AMZ1: variants seen among roughly 807,000 people sequenced by gnomAD.
AMZ1 encodes archaelysin family metallopeptidase 1.
AMZ1 carries 39 observed loss-of-function variants against 29.9 expected under a neutral mutation model. The observed-to-expected ratio is 1.30, with a 90% CI of 1.01 to 1.70. AMZ1 has a LOEUF of 1.70. Among genes scored for constraint, AMZ1 ranks in the 40% most tolerant of loss-of-function variants. The pLI is 0.00. For missense variants in AMZ1, 1,041 were observed against 680.6 expected (o/e 1.53, Z -5.89); for synonymous variants, 458 against 304.0 (o/e 1.51, Z -5.27).
chr7:2,742,308 G>A (rs751058414), intron 4 of AMZ1, among the ~76,000 whole-genome samples: 21 of 152,036 alleles, frequency 1.4e-4, no homozygotes, highest in Non-Finnish European at 2.6e-4. Context: ...GAGCCACCAC[G>A]CCCAGCCTAC....
At chr7:2,750,700 A>C (rs1790990492) in intron 4 of AMZ1, among the ~76,000 whole-genome samples, 2 of 152,150 alleles carry the variant, frequency 1.3e-5, no homozygotes, top group Admixed American at 6.5e-5. Flanking sequence ...GACACGGGGG[A>C]CTATTGGACA....
chr7:2,748,136 C>T (rs1393025830), intron 4 of AMZ1, among the ~76,000 whole-genome samples: 3 of 150,974 alleles, frequency 2.0e-5, no homozygotes, highest in Admixed American at 1.3e-4. Flanking sequence ...CAATGACTTT[C>T]TTCACAGAAT....
In AMZ1 at chr7:2,717,031, G is replaced by T. The variant is rs1300588135; in HGVS notation, c.*4153G>T. Among the ~76,000 whole-genome samples the T allele has an allele frequency of 1.3e-5, 2 of 152,210 alleles. No homozygotes were observed. Among genetic ancestry groups the T allele is most frequent in the African/African-American group, 2.4e-5 (1 of 41,454 alleles). On this transcript the variant is annotated 3_prime_UTR_variant, in exon 7 of 7. Transcript: ENST00000683327. ...GAGAGTAAGAAGGCGCACGGACGCG[G>T]GAGGCCTGCACCCTGATCCCTGAGC... is the stretch of plus-strand genomic sequence containing the variant.
chr7:2,690,157 C>G (rs181250386), intron 1 of AMZ1, among the ~76,000 whole-genome samples: 37 of 152,270 alleles, frequency 2.4e-4, no homozygotes, highest in African/African-American at 7.2e-4. Context: ...TGGAGCCTGT[C>G]ACACCATTCT....
intron 4 of AMZ1, among the ~76,000 whole-genome samples, chr7:2,750,650 T>A (rs959234246): frequency 6.6e-6 from 1 of 152,240 alleles, no homozygotes; most frequent in Non-Finnish European, 1.5e-5. Flanking sequence ...TGGACCACGG[T>A]TGACTGCGGG....
chr7:2,762,889 T>C (rs1791633372), upstream of AMZ1: 1 of 1,433,918 alleles, frequency 7.0e-7, no homozygotes, highest in Admixed American at 2.8e-5. Context: ...GTGGAGCCAT[T>C]GGTGCTGCGG....
upstream of AMZ1, among the ~76,000 whole-genome samples, chr7:2,760,791 C>G (rs1050109336): frequency 6.6e-6 from 1 of 152,234 alleles, no homozygotes; most frequent in Non-Finnish European, 1.5e-5. Flanking sequence ...ACTGCTGGAC[C>G]GTCCCAGCTG....
upstream of AMZ1, among the ~76,000 whole-genome samples, chr7:2,685,482 C>T (rs1368063705): frequency 6.6e-6 from 1 of 151,426 alleles, no homozygotes; most frequent in Non-Finnish European, 1.5e-5. Context: ...CGCTTGAACC[C>T]AGGAAGTGGA....
downstream of AMZ1, among the ~76,000 whole-genome samples, chr7:2,721,447 C>T (rs536712442): frequency 3.3e-5 from 5 of 152,252 alleles, no homozygotes; most frequent in East Asian, 9.6e-4. Flanking sequence ...GGGCTGGGCG[C>T]AGTGGGTCAC....
upstream of AMZ1, among the ~76,000 whole-genome samples, chr7:2,686,857 G>A (rs566269620): frequency 6.6e-6 from 1 of 152,074 alleles, no homozygotes; most frequent in East Asian, 2.0e-4. Context: ...TGGGACTATA[G>A]GCACCAGCCA....
downstream of AMZ1, among the ~76,000 whole-genome samples, chr7:2,724,434 GC>G (rs1487240154): frequency 6.6e-6 from 1 of 152,248 alleles, no homozygotes; most frequent in Non-Finnish European, 1.5e-5. Flanking sequence ...ATTAAAGGGT[GC>G]CAAGGTGACA....
chr7:2,711,403 C>T (rs1213118514), intron 6 of AMZ1, among the ~76,000 whole-genome samples: 1 of 152,204 alleles, frequency 6.6e-6, no homozygotes, highest in African/African-American at 2.4e-5. Context: ...TAAACAGTCT[C>T]ACGATGGCTG....
intron 5 of AMZ1, among the ~76,000 whole-genome samples, 192 bp downstream of exon 5, chr7:2,709,436 T>G (rs1562372605): frequency 2.5e-5 from 2 of 80,896 alleles, no homozygotes; most frequent in Non-Finnish European, 6.0e-5. Context: ...CCCTATCCTG[T>G]GTGGCCTCCC....
At chr7:2,735,627 A>C (rs1790131194) in intron 4 of AMZ1, among the ~76,000 whole-genome samples, 1 of 152,220 alleles carries the variant, frequency 6.6e-6, no homozygotes, top group African/African-American at 2.4e-5. Flanking sequence ...CAACACAGCA[A>C]ACACTCACTG....
intron 4 of AMZ1, among the ~76,000 whole-genome samples, chr7:2,740,328 G>A (rs991287500): frequency 1.2e-4 from 18 of 152,212 alleles, no homozygotes; most frequent in Middle Eastern, 3.4e-3. Flanking sequence ...GTGACTGAAG[G>A]TAGGGACCTC....
At chr7:2,737,376 C>T (rs1232644215) in intron 4 of AMZ1, among the ~76,000 whole-genome samples, 1 of 142,092 alleles carries the variant, frequency 7.0e-6, no homozygotes, top group Non-Finnish European at 1.5e-5. Flanking sequence ...GCAACCTCTG[C>T]CTCCTGGGTT....
At position 2,712,345 on chromosome 7, in the gene AMZ1, A is replaced by T. The variant is rs143122786; in HGVS notation, c.964A>T (p.Thr322Ser). 5.7e-6 allele frequency: 9 copies of T among 1,591,440 alleles called. No individual in the cohort carries two copies. In the African/African-American group the frequency reaches 1.1e-4, roughly 19 times the overall value. ...TCCCTCTTAGAGACTCTACACCTGG[A>T]CTCAGGCGGTGGTGGGGACGTGGCC... ...IERYQRLYTW[T>S]QAVVGTWPSQ... Residue 322 changes from threonine (T) to serine (S), a missense_variant, in exon 7 of 7, where the codon ACT becomes TCT. Physicochemically the swap from Thr to Ser is moderately conservative, Grantham distance 58. Transcript: ENST00000683327.
chr7:2,733,304 G>T, intron 4 of AMZ1: 1 of 686,764 alleles, frequency 1.5e-6, no homozygotes. Flanking sequence ...GTGAGAGCGT[G>T]CCATTACAGT....
chr7:2,703,472 G>A (rs1705257525), intron 3 of AMZ1, among the ~76,000 whole-genome samples: 2 of 151,584 alleles, frequency 1.3e-5, no homozygotes. Flanking sequence ...CACTCAGCAT[G>A]GCTCCAACCT....
Sources: gnomAD v4.1 joint callset for allele counts (sites outside exome capture counted in the v4.1 genomes callset) on GRCh38, gnomAD v4.1.1 for gene constraint, MANE v1.5 for transcripts, NCBI Gene and HGNC (gene_info 2026-07-23, HGNC 2026-07-21) for gene names.